FHOD3: variants seen among roughly 807,000 people sequenced by gnomAD.
FHOD3 encodes the protein FH1/FH2 domain-containing protein 3.
FHOD3 carries 90 observed loss-of-function variants against 173.0 expected under a neutral mutation model. That is an observed-to-expected ratio of 0.52 (90% CI 0.44 to 0.62). The LOEUF (loss-of-function observed/expected upper bound fraction) is 0.62. FHOD3 is among the 20% of genes least tolerant of loss of function. FHOD3 has a pLI of 0.00. For missense variants in FHOD3, 1,945 were observed against 2,034.7 expected, an observed-to-expected ratio of 0.96 and a Z score of 0.85; for synonymous variants, 828 against 823.0, an observed-to-expected ratio of 1.01 and a Z score of -0.10.
chr18:36,763,504 TG>T (rs1340195524), intron 27 of FHOD3, among the ~76,000 whole-genome samples: 2 of 140,156 alleles, frequency 1.4e-5, no homozygotes, highest in African/African-American at 2.6e-5. Flanking sequence ...ATATATAATA[TG>T]TGTATTATAC....
intron 3 of FHOD3, among the ~76,000 whole-genome samples, chr18:36,405,142 G>A (rs1352494902): frequency 1.3e-5 from 2 of 152,166 alleles, no homozygotes; most frequent in South Asian, 2.1e-4. Context: ...ATCAGCCCCC[G>A]TGAGGTAGAA....
intron 3 of FHOD3, among the ~76,000 whole-genome samples, chr18:36,486,855 T>C (rs1392998666): frequency 6.6e-6 from 1 of 152,264 alleles, no homozygotes; most frequent in Admixed American, 6.5e-5. Flanking sequence ...GCTTTGTCAC[T>C]ATAGATCAGA....
intron 6 of FHOD3, 43 bp downstream of exon 6, chr18:36,576,588 T>C (rs771671760): frequency 6.8e-7 from 1 of 1,463,966 alleles, no homozygotes; most frequent in Non-Finnish European, 9.4e-7. Flanking sequence ...ACTTGTCATA[T>C]CACTTGCCTT....
rs3744903 is a variant in FHOD3, at chr18:36,730,705, C to T, written c.3477C>T (p.Asn1159=). The T allele has an allele frequency of 0.34, 544,729 of 1,613,170 alleles. 94,866 individuals carry two copies. Among genetic ancestry groups the T allele is most frequent in the Admixed American group, 0.46 (27,811 of 59,928 alleles). ...TTGTTCTGGATTCCAAGAGGAGTAA[C>T]GCCATCAATATTGGTCTGACGGTGC... ...EIIVLDSKRS[N]AINIGLTVLP... The change falls in exon 20 of 29, where the codon AAC becomes AAT. Residue 1159 remains asparagine, a synonymous_variant. Coordinates refer to ENST00000590592, the MANE Select transcript of FHOD3 (RefSeq NM_001281740.3).
At chr18:36,394,123 G>A (rs1351602369) in intron 3 of FHOD3, among the ~76,000 whole-genome samples, 1 of 152,158 alleles carries the variant, frequency 6.6e-6, no homozygotes, top group Non-Finnish European at 1.5e-5. Flanking sequence ...TATGGGAGTA[G>A]GGGAGTGAGA....
At chr18:36,757,157 A>G (rs1233116948) in intron 25 of FHOD3, among the ~76,000 whole-genome samples, 1 of 152,226 alleles carries the variant, frequency 6.6e-6, no homozygotes, top group Non-Finnish European at 1.5e-5. Flanking sequence ...GGCTTTCCCA[A>G]TCATAAACAG....
At chr18:36,410,614 T>C (rs2049308345) in intron 3 of FHOD3, among the ~76,000 whole-genome samples, 1 of 152,214 alleles carries the variant, frequency 6.6e-6, no homozygotes, top group Admixed American at 6.5e-5. Context: ...CCACTGGTAA[T>C]GTATGAGATT....
chr18:36,344,694 C>G (rs1177941594), intron 1 of FHOD3, among the ~76,000 whole-genome samples: 1 of 152,080 alleles, frequency 6.6e-6, no homozygotes, highest in Non-Finnish European at 1.5e-5. Context: ...CAGATTTGAA[C>G]TCAAACATCA....
At chr18:36,519,955 A>ATTTTTTTTTTTTTTTTTTTT (rs11449846) in intron 5 of FHOD3, among the ~76,000 whole-genome samples, 1 of 132,074 alleles carries the variant, frequency 7.6e-6, no homozygotes, top group Non-Finnish European at 1.6e-5. Context: ...CTTTTCTTTC[A>ATTTTTTTTTTTTTTTTTTTT]TTTTTTTTTT....
At chr18:36,716,809 C>T (rs2040474537) in intron 18 of FHOD3, among the ~76,000 whole-genome samples, 1 of 152,056 alleles carries the variant, frequency 6.6e-6, no homozygotes, top group East Asian at 1.9e-4. Context: ...GGCAAAGCAA[C>T]TCTTATGAGG....
chr18:36,372,774 C>G (rs1258318893), intron 3 of FHOD3, 30 bp downstream of exon 3: 1 of 1,597,386 alleles, frequency 6.3e-7, no homozygotes, highest in Non-Finnish European at 8.6e-7. Flanking sequence ...AGGAACTAAA[C>G]ATATGATGAA....
chr18:36,549,499 T>G (rs535679726), intron 5 of FHOD3, among the ~76,000 whole-genome samples: 1 of 150,740 alleles, frequency 6.6e-6, no homozygotes, highest in Admixed American at 6.6e-5. Flanking sequence ...TTTTCTTTTA[T>G]GGACCATACA....
intron 25 of FHOD3, 150 bp downstream of exon 25, chr18:36,755,461 T>A: frequency 1.7e-6 from 1 of 589,258 alleles, no homozygotes; most frequent in Non-Finnish European, 2.6e-6. Flanking sequence ...AAAGTGCTCT[T>A]AAAGTACTCC....
intron 24 of FHOD3, among the ~76,000 whole-genome samples, chr18:36,754,313 G>C (rs1341880139): frequency 6.6e-6 from 1 of 152,062 alleles, no homozygotes; most frequent in Non-Finnish European, 1.5e-5. Flanking sequence ...TATAAATAGT[G>C]GTATCATTTG....
At chr18:36,564,378 T>C (rs2058194228) in intron 5 of FHOD3, among the ~76,000 whole-genome samples, 1 of 152,158 alleles carries the variant, frequency 6.6e-6, no homozygotes, top group Non-Finnish European at 1.5e-5. Flanking sequence ...TCCTTTGGTG[T>C]CTCCTTATCT....
chr18:36,512,306 A>G, intron 4 of FHOD3, 132 bp from the exon 5 acceptor site: 1 of 683,210 alleles, frequency 1.5e-6, no homozygotes. Flanking sequence ...GATATGCTTC[A>G]TTTGAATACA....
chr18:36,482,858 C>CACACAGAGAGAGAGAGAGAG (rs1400178557), intron 3 of FHOD3, among the ~76,000 whole-genome samples: 1 of 130,374 alleles, frequency 7.7e-6, no homozygotes, highest in African/African-American at 3.1e-5. Context: ...CACACACACA[C>CACACAGAGAGAGAGAGAGAG]AGAGAGAGAG....
intron 3 of FHOD3, among the ~76,000 whole-genome samples, chr18:36,486,946 T>A (rs1237690147): frequency 1.3e-5 from 2 of 152,220 alleles, no homozygotes; most frequent in Admixed American, 1.3e-4. Flanking sequence ...TTTAGCATAA[T>A]ATTGTTAGAA....
chr18:36,423,196 G>A (rs1024414699), intron 3 of FHOD3, among the ~76,000 whole-genome samples: 1 of 151,948 alleles, frequency 6.6e-6, no homozygotes, highest in Non-Finnish European at 1.5e-5. Flanking sequence ...TTTAAGTAAT[G>A]AAAACTTCGA....
Sources: gnomAD v4.1 joint callset for allele counts (sites outside exome capture counted in the v4.1 genomes callset) on GRCh38, gnomAD v4.1.1 for gene constraint, MANE v1.5 for transcripts, NCBI Gene and HGNC (gene_info 2026-07-23, HGNC 2026-07-21) for gene names.